Variants in PCDHGB5 observed in about 807,000 individuals in gnomAD.
PCDHGB5 encodes the protein protocadherin gamma-B5.
A neutral mutation model predicts 62.9 loss-of-function variants in PCDHGB5; 48 were observed. That is an observed-to-expected ratio of 0.76 (90% CI 0.61 to 0.97). The LOEUF (loss-of-function observed/expected upper bound fraction) is 0.97, where lower values mean the gene tolerates loss of function less well. Ranked by LOEUF, PCDHGB5 falls within the 50% of genes least tolerant of loss-of-function variation. The probability of loss-of-function intolerance (pLI) is 0.00; values close to 1 mark genes in which losing one functional copy is unlikely to be tolerated. For missense variants in PCDHGB5, 1,118 were observed against 1,198.6 expected (o/e 0.93, Z 0.99); for synonymous variants, 474 against 511.2 (o/e 0.93, Z 0.98).
chr5:141,421,455 C>A (rs762490406), intron 1 of PCDHGB5: 1 of 1,614,108 alleles, frequency 6.2e-7, no homozygotes, highest in South Asian at 1.1e-5. Flanking sequence ...CACAGCTTTT[C>A]GCTGTGAATC....
At chr5:141,450,152 A>G (rs958894990) in intron 1 of PCDHGB5, among the ~76,000 whole-genome samples, 1 of 151,132 alleles carries the variant, frequency 6.6e-6, no homozygotes, top group East Asian at 2.0e-4. Context: ...GACTACAGGC[A>G]TGTGCCACCA....
In PCDHGB5 at chr5:141,490,091, A is replaced by T; in HGVS notation, c.2398-4716A>T. 6.2e-7 allele frequency: 1 copy of T among 1,614,240 alleles called. No homozygotes were observed. Among genetic ancestry groups the T allele is most frequent in the East Asian group, 2.2e-5 (1 of 44,888 alleles). ...CAACTAGACTATTCTTTTGGAGACC[A>T]CACATCTGAGGCAGTGCGGAACCTC... On this transcript the variant is annotated intron_variant, in intron 1 of 3. Coordinates refer to ENST00000617380, the MANE Select transcript of PCDHGB5 (RefSeq NM_018925.3). The surrounding 1 kb of genome is among the most constrained non-coding windows in gnomAD (Gnocchi z 5.4).
rs115808055 is a variant in PCDHGB5 at position 141,476,782 on chromosome 5, A to G, written c.2398-18025A>G. Reference sequence around the variant, plus strand: ...TGACGGCGTTGGACGGAGGGACCCCAGCTCTCTCCGCCAGCCTGCCTATTC... The same window carrying G: ...TGACGGCGTTGGACGGAGGGACCCCGGCTCTCTCCGCCAGCCTGCCTATTC... On this transcript the variant is annotated intron_variant, in intron 1 of 3. Transcript: ENST00000617380. This position sits in a 1 kb window ranked among gnomAD's most constrained non-coding sequence, Gnocchi z 7.6. 18,517 of 1,613,566 alleles carry G rather than the reference A, an allele frequency of 0.011. 139 individuals are homozygous for G. Among genetic ancestry groups the G allele is most frequent in the Non-Finnish European group, 0.014 (16,976 of 1,179,996 alleles).
chr5:141,417,644 AG>A, intron 1 of PCDHGB5: 1 of 779,202 alleles, frequency 1.3e-6, no homozygotes, highest in South Asian at 2.1e-5. Flanking sequence ...GGGATCCCTC[AG>A]CCTCTAGCCT....
intron 1 of PCDHGB5, chr5:141,413,152 G>C: frequency 1.3e-6 from 2 of 1,574,694 alleles, no homozygotes; most frequent in Non-Finnish European, 1.7e-6. Flanking sequence ...TGAGGACTTT[G>C]CAGAATTCTG....
chr5:141,496,795 T>C (rs886559302), intron 2 of PCDHGB5, among the ~76,000 whole-genome samples: 27 of 151,976 alleles, frequency 1.8e-4, no homozygotes, highest in Middle Eastern at 3.4e-3. Flanking sequence ...GTGCTAAACA[T>C]TGGGCTATAG....
chr5:141,428,679 TGGATGA>T (rs1231732563), intron 1 of PCDHGB5: 1 of 163,254 alleles, frequency 6.1e-6, no homozygotes, highest in Non-Finnish European at 1.3e-5. Flanking sequence ...CATTTACAAA[TGGATGA>T]GGTTTAATTT....
At position 141,491,798 on chromosome 5, in the gene PCDHGB5, G is replaced by A. The variant is rs1269524283; in HGVS notation, c.2398-3009G>A. 1 of 1,506,648 alleles carries A rather than the reference G, an allele frequency of 6.6e-7. No homozygotes were observed. The highest frequency in any genetic ancestry group is 8.9e-7 in the Non-Finnish European group (1 of 1,128,050). The allele number at this position is 1,506,648 out of a possible 1,614,324, so 93.3% of individuals were successfully genotyped here. ...TTGAACTTGCATCCACTCCTCTCCG[G>A]CCGGCTTGGTCGCTGGCTGCGCTCC... On this transcript the variant is annotated intron_variant, in intron 1 of 3. Coordinates refer to ENST00000617380, the MANE Select transcript of PCDHGB5 (RefSeq NM_018925.3). This position sits in a 1 kb window ranked among gnomAD's most constrained non-coding sequence, Gnocchi z 6.9.
At chr5:141,509,128 A>C (rs995210331) in intron 3 of PCDHGB5, among the ~76,000 whole-genome samples, 8 of 151,958 alleles carry the variant, frequency 5.3e-5, no homozygotes, top group African/African-American at 1.7e-4. Flanking sequence ...TGAAGAGAAA[A>C]ACCGAGGCGC....
chr5:141,464,823 C>T (rs890811354), intron 1 of PCDHGB5, among the ~76,000 whole-genome samples: 5 of 151,986 alleles, frequency 3.3e-5, no homozygotes, highest in African/African-American at 1.2e-4. Flanking sequence ...ACTGTAGCCT[C>T]GCACTCCTGG....
intron 1 of PCDHGB5, among the ~76,000 whole-genome samples, chr5:141,444,558 T>C (rs2098440789): frequency 6.6e-6 from 1 of 152,190 alleles, no homozygotes; most frequent in African/African-American, 2.4e-5. Context: ...AAGGCACTTA[T>C]TTGACACTTT....
intron 1 of PCDHGB5, chr5:141,409,550 C>T (rs764101999): frequency 1.9e-6 from 3 of 1,613,992 alleles, no homozygotes; most frequent in African/African-American, 2.7e-5. Context: ...CGACAACGCC[C>T]CAGTTTTCGA....
Position 141,487,562 on chromosome 5 carries a change from G to C in PCDHGB5, c.2398-7245G>C. The stretch of plus-strand genomic sequence containing the variant: ...GAAGTCACCCAGTGCACCTATGGCA[G>C]GGGAGCCTGTTCGCCCAAGCTGCCC... On this transcript the variant is annotated intron_variant, in intron 1 of 3. Coordinates refer to ENST00000617380, the MANE Select transcript of PCDHGB5 (RefSeq NM_018925.3). The surrounding 1 kb of genome is among the most constrained non-coding windows in gnomAD (Gnocchi z 5.0). The C allele has an allele frequency of 6.2e-7, 1 of 1,614,178 alleles. No homozygotes were observed.
intron 1 of PCDHGB5, chr5:141,422,796 T>C: frequency 6.2e-7 from 1 of 1,614,234 alleles, no homozygotes; most frequent in Middle Eastern, 1.6e-4. Flanking sequence ...CCTTCGACTA[T>C]GAGCAGTTTC....
chr5:141,462,336 T>C (rs2099037439), intron 1 of PCDHGB5, among the ~76,000 whole-genome samples: 1 of 152,238 alleles, frequency 6.6e-6, no homozygotes, highest in African/African-American at 2.4e-5. Flanking sequence ...TTTAATTGTA[T>C]TGTGATCCAA....
chr5:141,435,934 T>A (rs1311888999), intron 1 of PCDHGB5, among the ~76,000 whole-genome samples: 2 of 152,160 alleles, frequency 1.3e-5, no homozygotes, highest in Non-Finnish European at 2.9e-5. Flanking sequence ...CAGTTGCTGC[T>A]TCTGAGACCA....
intron 1 of PCDHGB5, among the ~76,000 whole-genome samples, chr5:141,424,889 G>A (rs1173725674): frequency 6.6e-6 from 1 of 152,090 alleles, no homozygotes; most frequent in Non-Finnish European, 1.5e-5. Flanking sequence ...ACTTATCTAG[G>A]GTTTTTGATC....
intron 2 of PCDHGB5, among the ~76,000 whole-genome samples, chr5:141,503,091 G>A (rs2099818095): frequency 6.6e-6 from 1 of 151,808 alleles, no homozygotes; most frequent in African/African-American, 2.4e-5. Flanking sequence ...CTGACCTCGT[G>A]GTCTGCCCGC....
In PCDHGB5 at chr5:141,477,406, A is replaced by G. The variant is rs1004061582; in HGVS notation, c.2398-17401A>G. The G allele has an allele frequency of 6.2e-7, 1 of 1,614,154 alleles. No individual in the cohort carries two copies. Among genetic ancestry groups the G allele is most frequent in the Non-Finnish European group, 8.5e-7 (1 of 1,180,040 alleles). The stretch of plus-strand genomic sequence containing the variant: ...AATACAACCTCAGCATCACCGCCCG[A>G]GACGCCGGAACCCCTTCCCTCTCAG... On this transcript the variant is annotated intron_variant, in intron 1 of 3. Transcript: ENST00000617380. The surrounding 1 kb of genome is among the most constrained non-coding windows in gnomAD (Gnocchi z 4.9).
Sources: gnomAD v4.1 joint callset for allele counts (sites outside exome capture counted in the v4.1 genomes callset) on GRCh38, gnomAD v4.1.1 for gene constraint, Gnocchi (gnomAD v3.1) non-coding constraint, MANE v1.5 for transcripts, NCBI Gene and HGNC (gene_info 2026-07-23, HGNC 2026-07-21) for gene names.